The following GALNTL6 variants were observed in gnomAD, a reference collection of about 807,000 sequenced individuals.
GALNTL6 encodes polypeptide N-acetylgalactosaminyltransferase-like 6.
GALNTL6 carries 46 observed loss-of-function variants against 73.7 expected under a neutral mutation model. That is an observed-to-expected ratio of 0.62 (90% CI 0.49 to 0.80). The LOEUF (loss-of-function observed/expected upper bound fraction) is 0.80, where lower values mean the gene tolerates loss of function less well. Ranked by LOEUF, GALNTL6 falls within the 30% of genes least tolerant of loss-of-function variation. GALNTL6 has a pLI of 0.00. For synonymous variants in GALNTL6, 259 were observed against 263.7 expected, an observed-to-expected ratio of 0.98 and a Z score of 0.17; for missense variants, 604 against 755.0, an observed-to-expected ratio of 0.80 and a Z score of 2.34.
chr4:171,974,134 G>A (rs1224963864), intron 2 of GALNTL6, among the ~76,000 whole-genome samples: 1 of 151,998 alleles, frequency 6.6e-6, no homozygotes, highest in Non-Finnish European at 1.5e-5. Flanking sequence ...CAAGTAGCTG[G>A]GACTACAGGC....
intron 5 of GALNTL6, among the ~76,000 whole-genome samples, chr4:172,753,879 G>A (rs1051769387): frequency 1.3e-5 from 2 of 152,092 alleles, no homozygotes; most frequent in Admixed American, 1.3e-4. Flanking sequence ...ATTTAGTAGA[G>A]GCCCTTAACT....
intron 5 of GALNTL6, chr4:172,380,380 A>G (rs1743235763): frequency 3.0e-6 from 2 of 668,610 alleles, no homozygotes; most frequent in Non-Finnish European, 2.9e-6. Flanking sequence ...CAATGACCAC[A>G]TGAAAATAAT....
At chr4:172,374,876 A>G (rs1051323093) in intron 5 of GALNTL6, among the ~76,000 whole-genome samples, 2 of 152,190 alleles carry the variant, frequency 1.3e-5, no homozygotes, top group African/African-American at 4.8e-5. Flanking sequence ...TAGACCATGT[A>G]GGATATCTAT....
chr4:173,011,078 T>C (rs2126496890), intron 11 of GALNTL6, among the ~76,000 whole-genome samples: 1 of 152,356 alleles, frequency 6.6e-6, no homozygotes, highest in Admixed American at 6.5e-5. Context: ...TAACTCATTG[T>C]AGTTTTGATC....
chr4:172,381,052 A>C (rs1743266433), intron 5 of GALNTL6, among the ~76,000 whole-genome samples: 1 of 152,212 alleles, frequency 6.6e-6, no homozygotes, highest in Non-Finnish European at 1.5e-5. Flanking sequence ...AGCTTTATGA[A>C]TTCCTGCAAT....
At chr4:172,385,916 C>G (rs951285496) in intron 5 of GALNTL6, among the ~76,000 whole-genome samples, 9 of 151,456 alleles carry the variant, frequency 5.9e-5, no homozygotes, top group African/African-American at 2.2e-4. Flanking sequence ...TACACACACA[C>G]ACATATATAT....
At chr4:172,275,846 A>G (rs915772878) in intron 3 of GALNTL6, among the ~76,000 whole-genome samples, 4 of 151,950 alleles carry the variant, frequency 2.6e-5, no homozygotes, top group Non-Finnish European at 2.9e-5. Context: ...AATTCCAGCT[A>G]CTCGTGTGGC....
At chr4:172,706,604 G>A (rs554332361) in intron 5 of GALNTL6, among the ~76,000 whole-genome samples, 1 of 152,174 alleles carries the variant, frequency 6.6e-6, no homozygotes, top group Admixed American at 6.5e-5. Flanking sequence ...GTCTGTCTGT[G>A]CAGGTTGACT....
At chr4:172,035,005 C>T (rs1249437367) in intron 2 of GALNTL6, among the ~76,000 whole-genome samples, 5 of 152,028 alleles carry the variant, frequency 3.3e-5, no homozygotes, top group Non-Finnish European at 7.4e-5. Context: ...TGGTGAAAAT[C>T]ATGTTACTGT....
intron 5 of GALNTL6, among the ~76,000 whole-genome samples, chr4:172,387,050 A>G (rs1432347867): frequency 6.6e-6 from 1 of 152,160 alleles, no homozygotes; most frequent in East Asian, 1.9e-4. Flanking sequence ...AATCCAGTCA[A>G]GGTGACAGCC....
intron 2 of GALNTL6, among the ~76,000 whole-genome samples, chr4:172,164,022 G>T (rs114678334): frequency 2.2e-3 from 329 of 152,010 alleles, no homozygotes; most frequent in African/African-American, 7.8e-3. Context: ...GCAGCATAAG[G>T]AACTTCAGGG....
At chr4:172,365,755 A>G (rs777398962) in intron 5 of GALNTL6, among the ~76,000 whole-genome samples, 46 of 152,102 alleles carry the variant, frequency 3.0e-4, no homozygotes, top group Non-Finnish European at 6.0e-4. Flanking sequence ...TCTAAGTTTT[A>G]ACTTTTAAGT....
Position 172,962,838 on chromosome 4 carries a change from G to A in GALNTL6, c.1371+10580G>A, listed in dbSNP as rs540656310. ...ACAGACCATAAACAGCCTATAAACC[G>A]CCACTCATTTCCCTGACAAATTCAG... On this transcript the variant is annotated intron_variant, in intron 10 of 12. Transcript: ENST00000506823. 2.6e-5 allele frequency among the ~76,000 whole-genome samples: 4 copies of A among 151,900 alleles called. No individual in the cohort carries two copies. In the South Asian group the frequency reaches 6.2e-4, roughly 24 times the overall value.
intron 2 of GALNTL6, among the ~76,000 whole-genome samples, chr4:172,057,397 AAAAGTGTAGGCC>A (rs1731047964): frequency 6.6e-6 from 1 of 151,880 alleles, no homozygotes; most frequent in Non-Finnish European, 1.5e-5. Flanking sequence ...GCTTTTAAAA[AAAAGTGTAGGCC>A]AAGCATTGTG....
intron 2 of GALNTL6, among the ~76,000 whole-genome samples, chr4:172,088,503 C>T (rs1312668521): frequency 2.0e-5 from 3 of 152,022 alleles, no homozygotes; most frequent in East Asian, 1.9e-4. Context: ...GAAATGGGGC[C>T]GTCTGAGGGA....
rs532218895 is a variant in GALNTL6, at chr4:172,874,756, G to A, written c.924-8034G>A. 7.6e-4 allele frequency among the ~76,000 whole-genome samples: 116 copies of A among 152,338 alleles called. 1 individual carries two copies. Among genetic ancestry groups the A allele is most frequent in the African/African-American group, 2.2e-3 (92 of 41,576 alleles). Reference sequence around the variant, plus strand: ...AGGTGACACGATGGCGTCTGCTCCCGTCTGGCCTGAGAGACTGCATGGTGG... The same window carrying A: ...AGGTGACACGATGGCGTCTGCTCCCATCTGGCCTGAGAGACTGCATGGTGG... On this transcript the variant is annotated intron_variant, in intron 7 of 12. Transcript: ENST00000506823.
chr4:172,147,305 C>T (rs776785135), intron 2 of GALNTL6, among the ~76,000 whole-genome samples: 1 of 152,030 alleles, frequency 6.6e-6, no homozygotes, highest in Non-Finnish European at 1.5e-5. Flanking sequence ...GAACAATACC[C>T]CATTATGCAA....
intron 5 of GALNTL6, among the ~76,000 whole-genome samples, chr4:172,527,949 C>T (rs1022354960): frequency 3.3e-5 from 5 of 151,976 alleles, no homozygotes; most frequent in Admixed American, 6.6e-5. Context: ...AAAAAAGCTG[C>T]TAGTTATTAA....
chr4:172,323,035 T>C (rs544820306), intron 4 of GALNTL6, among the ~76,000 whole-genome samples: 36 of 152,258 alleles, frequency 2.4e-4, no homozygotes, highest in African/African-American at 8.4e-4. Flanking sequence ...ACATATCCAC[T>C]ATATTTCTGC....
Sources: gnomAD v4.1 joint callset for allele counts (sites outside exome capture counted in the v4.1 genomes callset) on GRCh38, gnomAD v4.1.1 for gene constraint, MANE v1.5 for transcripts, NCBI Gene and HGNC (gene_info 2026-07-23, HGNC 2026-07-21) for gene names.